TFG: variants seen among roughly 807,000 people sequenced by gnomAD.
The protein encoded by TFG is protein TFG.
TFG carries 22 observed loss-of-function variants against 51.4 expected under a neutral mutation model. That is an observed-to-expected ratio of 0.43 (90% CI 0.31 to 0.61). TFG has a LOEUF of 0.61. Among genes scored for constraint, TFG ranks in the 20% least tolerant of loss-of-function variants. TFG has a pLI of 0.12. For synonymous variants in TFG, 187 were observed against 165.6 expected (o/e 1.13, Z -0.99); for missense variants, 419 against 487.7 (o/e 0.86, Z 1.33).
At chr3:100,722,315 A>G (rs2095063183) in intron 3 of TFG, among the ~76,000 whole-genome samples, 1 of 152,250 alleles carries the variant, frequency 6.6e-6, no homozygotes, top group African/African-American at 2.4e-5. Flanking sequence ...CATAGCTAAA[A>G]AGAGAATTAG....
At chr3:100,738,658 A>G (rs1261712212) in intron 6 of TFG, among the ~76,000 whole-genome samples, 1 of 152,202 alleles carries the variant, frequency 6.6e-6, no homozygotes, top group Non-Finnish European at 1.5e-5. Context: ...TTTTTAGAGT[A>G]GTATTGTATG....
intron 3 of TFG, among the ~76,000 whole-genome samples, chr3:100,727,919 C>G (rs1051149806): frequency 1.3e-5 from 2 of 152,148 alleles, no homozygotes; most frequent in African/African-American, 4.8e-5. Context: ...ACTGGACTTC[C>G]CCTCCCGGGA....
At chr3:100,744,989 C>CT in intron 7 of TFG, 58 bp downstream of exon 7, 3 of 1,022,024 alleles carry the variant, frequency 2.9e-6, no homozygotes, top group South Asian at 3.6e-5. Context: ...ACTCATTAAA[C>CT]TTTAAGTTCT....
chr3:100,710,989 G>A (rs1224582511), intron 1 of TFG: 1 of 152,168 alleles, frequency 6.6e-6, no homozygotes, highest in Non-Finnish European at 1.5e-5. Context: ...AAGAGCAAAC[G>A]ACAGCTTTAG....
At chr3:100,746,129 T>C (rs2095134187) in intron 7 of TFG, among the ~76,000 whole-genome samples, 2 of 152,226 alleles carry the variant, frequency 1.3e-5, no homozygotes, top group African/African-American at 2.4e-5. Context: ...AGGTTATTTT[T>C]AGGATGCAGT....
At chr3:100,716,465 A>T (rs551039700) in intron 2 of TFG, among the ~76,000 whole-genome samples, 1 of 152,144 alleles carries the variant, frequency 6.6e-6, no homozygotes, top group East Asian at 1.9e-4. Context: ...GGTTGATTCC[A>T]TATCTTGACT....
Position 100,729,021 on chromosome 3 carries a change from G to A in TFG, c.415+163G>A, listed in dbSNP as rs144969743. Among the ~76,000 whole-genome samples, 96 of 152,280 alleles carry A rather than the reference G, an allele frequency of 6.3e-4. No homozygotes were observed. The East Asian group carries it at 7.5e-3, about 12-fold the overall frequency. On this transcript the variant is annotated intron_variant, in intron 4 of 7. Transcript: ENST00000240851. ...TATGTCTGTGTTCCTAAACTTTGCT[G>A]TTCATCAGAATTACTAGGAGGTTTC...
At position 100,720,002 on chromosome 3, in the gene TFG, G is replaced by A. The variant is rs772701898; in HGVS notation, c.212G>A (p.Ser71Asn). ...GGAGATCTTATAACAATTTTTGATA[G>A]TTCTGACCTTTCCTTTGCAATTCAG... ...EDGDLITIFD[S>N]SDLSFAIQCS... Residue 71 changes from serine (S) to asparagine (N), a missense_variant, in exon 3 of 8, where the codon AGT becomes AAT. This residue lies in a region of TFG where 391 missense variants were observed against 434.4 expected (regional missense o/e 0.90). Transcript: ENST00000240851. 2 of 1,569,598 alleles carry A rather than the reference G, an allele frequency of 1.3e-6. No homozygotes were observed. The highest frequency in any genetic ancestry group is 4.7e-5 in the East Asian group (2 of 42,830).
At chr3:100,736,488 T>C in intron 5 of TFG, 88 bp from the exon 6 acceptor site, 4 of 1,420,652 alleles carry the variant, frequency 2.8e-6, no homozygotes, top group Non-Finnish European at 3.9e-6. Flanking sequence ...ATAGTACTTT[T>C]AGTATCTTTT....
Position 100,713,624 on chromosome 3 carries a change from T to C in TFG, c.-43-19T>C. The C allele has an allele frequency of 7.9e-7, 1 of 1,273,826 alleles. No homozygotes were observed. Among genetic ancestry groups the C allele is most frequent in the Non-Finnish European group, 1.0e-6 (1 of 954,790 alleles). 78.9% of individuals were successfully genotyped at this position (1,273,826 alleles called of 1,614,324 possible). The stretch of plus-strand genomic sequence containing the variant: ...TACGGTATGTTTTGTTGTTTAATTA[T>C]CAAAACCACTTTTATCAGTCTTTCT... On this transcript the variant is annotated intron_variant, in intron 1 of 7. Transcript: ENST00000240851.
intron 7 of TFG, 35 bp from the exon 8 acceptor site, chr3:100,748,114 A>G: frequency 6.3e-7 from 1 of 1,580,320 alleles, no homozygotes; most frequent in Non-Finnish European, 8.6e-7. Context: ...TTTTACTAAA[A>G]GATAAGATAC....
chr3:100,726,887 T>C (rs2095077432), intron 3 of TFG, among the ~76,000 whole-genome samples: 2 of 152,220 alleles, frequency 1.3e-5, no homozygotes, highest in Admixed American at 6.5e-5. Context: ...TGTTTGGGTA[T>C]CTTATCAAAT....
intron 5 of TFG, among the ~76,000 whole-genome samples, chr3:100,736,350 A>G (rs1289381484): frequency 6.6e-6 from 1 of 152,184 alleles, no homozygotes; most frequent in African/African-American, 2.4e-5. Flanking sequence ...ACTCAGGAAT[A>G]TAGTACTCTA....
intron 5 of TFG, among the ~76,000 whole-genome samples, chr3:100,736,103 A>G (rs983997512): frequency 1.4e-4 from 21 of 152,142 alleles, no homozygotes; most frequent in African/African-American, 5.1e-4. Context: ...TAGCTATGTT[A>G]TGGGAGTAGG....
intron 3 of TFG, among the ~76,000 whole-genome samples, chr3:100,725,187 T>G (rs1576363429): frequency 6.6e-6 from 1 of 152,094 alleles, no homozygotes; most frequent in African/African-American, 2.4e-5. Context: ...ATTACAGATA[T>G]GAGCCACCAC....
rs1487051973 is a variant in TFG, at chr3:100,748,233, C to T, written c.905C>T (p.Pro302Leu). 6.2e-7 allele frequency: 1 copy of T among 1,614,132 alleles called. No individual in the cohort carries two copies. The highest frequency in any genetic ancestry group is 8.5e-7 in the Non-Finnish European group (1 of 1,179,988). ...CAACCAACTTCCCAGGCACCAGCTC[C>T]TGCCTTTTCTGGTCAGCCTCAACAA... ...GQQPTSQAPAPAFSGQPQQLP... is the reference protein window; with the variant it reads ...GQQPTSQAPALAFSGQPQQLP... Residue 302 changes from proline (P) to leucine (L), a missense_variant, in exon 8 of 8, where the codon CCT (proline) becomes CTT (leucine). This residue lies in a region of TFG where 391 missense variants were observed against 434.4 expected (regional missense o/e 0.90). Transcript: ENST00000240851.
chr3:100,744,471 T>C (rs1388831924), intron 6 of TFG: 1 of 167,938 alleles, frequency 6.0e-6, no homozygotes, highest in Non-Finnish European at 1.3e-5. Context: ...ATTTGTCCCT[T>C]TTCTCATTTT....
At chr3:100,710,719 T>C (rs1011575773) in intron 1 of TFG, among the ~76,000 whole-genome samples, 3 of 152,192 alleles carry the variant, frequency 2.0e-5, no homozygotes, top group African/African-American at 7.2e-5. Context: ...TAGAGGGTTA[T>C]ATTATACAAG....
At chr3:100,727,370 G>C (rs569732194) in intron 3 of TFG, among the ~76,000 whole-genome samples, 1 of 150,666 alleles carries the variant, frequency 6.6e-6, no homozygotes, top group East Asian at 1.9e-4. Context: ...GTGAATTACT[G>C]TGAGTTTTCT....
Sources: gnomAD v4.1 joint callset for allele counts (sites outside exome capture counted in the v4.1 genomes callset) on GRCh38, gnomAD v4.1.1 for gene constraint, gnomAD v4.1.1 regional missense constraint, MANE v1.5 for transcripts, NCBI Gene and HGNC (gene_info 2026-07-23, HGNC 2026-07-21) for gene names.